ADAM19: variants seen among roughly 807,000 people sequenced by gnomAD.
The protein encoded by ADAM19 is disintegrin and metalloproteinase domain-containing protein 19.
In ADAM19, 65 loss-of-function variants were observed where a neutral mutation model predicts 114.7. That is an observed-to-expected ratio of 0.57 (90% CI 0.46 to 0.70). The LOEUF is 0.70. Ranked by LOEUF, ADAM19 falls within the 30% of genes least tolerant of loss-of-function variation. ADAM19 has a pLI of 0.00. For synonymous variants in ADAM19, 466 were observed against 460.5 expected (o/e 1.01, Z -0.15); for missense variants, 1,063 against 1,204.7 (o/e 0.88, Z 1.74).
chr5:157,480,603 C>G lies in ADAM19; in HGVS notation c.*346G>C, dbSNP rs982143097. 10 of 1,116,820 alleles carry G rather than the reference C, an allele frequency of 9.0e-6. No individual in the cohort carries two copies. Among genetic ancestry groups the G allele is most frequent in the African/African-American group, 1.6e-5 (1 of 61,366 alleles). 69.2% of individuals were successfully genotyped at this position (1,116,820 alleles called of 1,614,324 possible). A position where few individuals can be genotyped will look rare whatever the true frequency, so the allele number is the denominator to read the frequency against. On this transcript the variant is annotated 3_prime_UTR_variant, in exon 23 of 23. Transcript: ENST00000257527. ...ATGGATGGCTTCTGCAAGCGAAGTG[C>G]TGGCCTGAGGGGCTTGCTGGCCTTG...
At chr5:157,513,311 A>G (rs1755980592) in intron 8 of ADAM19, 123 bp downstream of exon 8, 1 of 909,092 alleles carries the variant, frequency 1.1e-6, no homozygotes. Flanking sequence ...CTGGGCCTCT[A>G]TGGCACTGCT....
intron 3 of ADAM19, 114 bp from the exon 4 acceptor site, chr5:157,538,105 A>G (rs1049791607): frequency 1.9e-5 from 14 of 732,332 alleles, no homozygotes; most frequent in Middle Eastern, 2.4e-4. Context: ...TCTCCATACA[A>G]AAGAAACTAG....
Position 157,478,502 on chromosome 5 carries a change from T to G in ADAM19, c.*2447A>C, listed in dbSNP as rs1243064906. On this transcript the variant is annotated 3_prime_UTR_variant, in exon 23 of 23. Transcript: ENST00000257527. ...TTTTGCAATATTCCCTTTCCCCTTC[T>G]GCAATCGTGCTTTGGAATAAGGTCT... 6 of 904,766 alleles carry G rather than the reference T, an allele frequency of 6.6e-6. No homozygotes were observed. The highest frequency in any genetic ancestry group is 1.8e-5 in the African/African-American group (1 of 55,466). The allele number at this position is 904,766 out of a possible 1,614,324, so 56.0% of individuals were successfully genotyped here. A position where few individuals can be genotyped will look rare whatever the true frequency, so the allele number is the denominator to read the frequency against.
At chr5:157,554,106 A>G (rs1757279628) in intron 3 of ADAM19, among the ~76,000 whole-genome samples, 1 of 152,256 alleles carries the variant, frequency 6.6e-6, no homozygotes, top group African/African-American at 2.4e-5. Context: ...TTTAAAATCT[A>G]CATAAAATAT....
intron 9 of ADAM19, among the ~76,000 whole-genome samples, chr5:157,507,681 C>G (rs1158851630): frequency 2.0e-5 from 3 of 152,190 alleles, no homozygotes; most frequent in African/African-American, 7.2e-5. Flanking sequence ...ACAGCTGTGC[C>G]CCATCAGGAG....
At chr5:157,562,354 G>A (rs1378010676) in intron 3 of ADAM19, among the ~76,000 whole-genome samples, 1 of 152,166 alleles carries the variant, frequency 6.6e-6, no homozygotes, top group Non-Finnish European at 1.5e-5. Context: ...GCGGCTCAAT[G>A]GGAAACGAGA....
chr5:157,512,263 T>C (rs912222520), intron 8 of ADAM19, among the ~76,000 whole-genome samples: 1 of 152,200 alleles, frequency 6.6e-6, no homozygotes, highest in Non-Finnish European at 1.5e-5. Flanking sequence ...AAAAAAACCA[T>C]GGGCATGGAA....
At chr5:157,532,895 G>A (rs1182167217) in intron 4 of ADAM19, among the ~76,000 whole-genome samples, 1 of 152,230 alleles carries the variant, frequency 6.6e-6, no homozygotes, top group African/African-American at 2.4e-5. Flanking sequence ...GACCTTCAGT[G>A]TCTTTAGCCT....
At chr5:157,547,094 A>C (rs989922057) in intron 3 of ADAM19, among the ~76,000 whole-genome samples, 3 of 152,238 alleles carry the variant, frequency 2.0e-5, no homozygotes, top group Non-Finnish European at 4.4e-5. Context: ...CGTTATGGAA[A>C]GAGTACAGGA....
chr5:157,520,421 A>G (rs891955364), intron 5 of ADAM19, among the ~76,000 whole-genome samples: 1 of 152,172 alleles, frequency 6.6e-6, no homozygotes, highest in Non-Finnish European at 1.5e-5. Context: ...CAGGATTCCA[A>G]AAAGCCTCCC....
Position 157,575,685 on chromosome 5 carries a change from G to C in ADAM19, c.12C>G (p.Gly4=). MPG[G]AGAARLCLLA... The stretch of plus-strand genomic sequence containing the variant: ...GCAAGCAGAGCCGGGCGGCGCCTGC[G>C]CCCCCTGGCATGGTGGCGGCGGCCC... The change falls in exon 1 of 23, where the codon GGC becomes GGG. Residue 4 remains glycine (G), a synonymous_variant. Transcript: ENST00000257527. 1 of 1,340,410 alleles carries C rather than the reference G, an allele frequency of 7.5e-7. No individual in the cohort carries two copies. Among genetic ancestry groups the C allele is most frequent in the South Asian group, 1.9e-5 (1 of 53,282 alleles). The allele number at this position is 1,340,410 out of a possible 1,614,324, so 83.0% of individuals were successfully genotyped here.
chr5:157,478,025 G>C lies in ADAM19; in HGVS notation c.*2924C>G, dbSNP rs1754644799. 4.2e-6 allele frequency: 1 copy of C among 238,394 alleles called. No individual in the cohort carries two copies. Among genetic ancestry groups the C allele is most frequent in the East Asian group, 9.8e-5 (1 of 10,208 alleles). The allele number at this position is 238,394 out of a possible 1,614,324, so 14.8% of individuals were successfully genotyped here. A position where few individuals can be genotyped will look rare whatever the true frequency, so the allele number is the denominator to read the frequency against. On this transcript the variant is annotated 3_prime_UTR_variant, in exon 23 of 23. Coordinates refer to ENST00000257527, the MANE Select transcript of ADAM19 (RefSeq NM_033274.5). ...GATTGAGCCAGGTGCCCAGGCTAAG[G>C]CTTCTAGAGACAGGGAGACAGGGCA...
At position 157,478,564 on chromosome 5, in the gene ADAM19, C is replaced by G; in HGVS notation, c.*2385G>C. On this transcript the variant is annotated 3_prime_UTR_variant, in exon 23 of 23. Coordinates refer to ENST00000257527, the MANE Select transcript of ADAM19 (RefSeq NM_033274.5). The stretch of plus-strand genomic sequence containing the variant: ...AGCCCAGATTTATTTGTATTTGACA[C>G]CTCAAAACAGCATACTGGGCACTGG... 1.3e-5 allele frequency: 13 copies of G among 985,516 alleles called. No individual in the cohort carries two copies. Among genetic ancestry groups the G allele is most frequent in the Non-Finnish European group, 1.6e-5 (13 of 829,840 alleles). 61.0% of individuals were successfully genotyped at this position (985,516 alleles called of 1,614,324 possible). A position where few individuals can be genotyped will look rare whatever the true frequency, so the allele number is the denominator to read the frequency against.
Position 157,570,908 on chromosome 5 carries a change from G to C in ADAM19, c.167C>G (p.Pro56Arg). 1 of 1,614,108 alleles carries C rather than the reference G, an allele frequency of 6.2e-7. No homozygotes were observed. The highest frequency in any genetic ancestry group is 1.3e-5 in the African/African-American group (1 of 75,034). Reference sequence around the variant, plus strand: ...TTTGAGTCTTACCTTTTCTCTCACGGGGCTTTCTGAAGTCTTCCACTGAGG... The same window carrying C: ...TTTGAGTCTTACCTTTTCTCTCACGCGGCTTTCTGAAGTCTTCCACTGAGG... ...IIPQWKTSES[P>R]VREKHPLKAE... The change falls in exon 2 of 23, where the codon CCC becomes CGC. Residue 56 changes from proline to arginine, a missense_variant. Pro to Arg is a moderately radical substitution (Grantham distance 103). Transcript: ENST00000257527.
At chr5:157,567,450 C>T (rs1030065079) in intron 2 of ADAM19, among the ~76,000 whole-genome samples, 5 of 152,158 alleles carry the variant, frequency 3.3e-5, no homozygotes, top group African/African-American at 1.2e-4. Flanking sequence ...TGAGGCAGTG[C>T]CCTGCCCAAT....
chr5:157,488,978 T>C (rs1485717331), intron 20 of ADAM19, 124 bp downstream of exon 20: 2 of 716,508 alleles, frequency 2.8e-6, no homozygotes, highest in Non-Finnish European at 4.9e-6. Flanking sequence ...TGCAGTGAGC[T>C]GAGATGGCGC....
chr5:157,493,297 GT>G, intron 15 of ADAM19, 120 bp from the exon 16 acceptor site: 2 of 995,788 alleles, frequency 2.0e-6, no homozygotes, highest in Non-Finnish European at 3.0e-6. Flanking sequence ...TGGGGCAAAG[GT>G]TTAGGGCAGT....
chr5:157,570,871 T>C (rs1441674495), intron 2 of ADAM19, 24 bp downstream of exon 2: 1 of 1,605,354 alleles, frequency 6.2e-7, no homozygotes, highest in Non-Finnish European at 8.5e-7. Flanking sequence ...CCTGCCAGTG[T>C]AAATGAGGTC....
rs566771532 is a variant in ADAM19 at position 157,501,786 on chromosome 5, C to T, written c.1308+1017G>A. Among the ~76,000 whole-genome samples, 161 of 152,168 alleles carry T rather than the reference C, an allele frequency of 1.1e-3. 2 individuals carry two copies. Among genetic ancestry groups the T allele is most frequent in the Middle Eastern group, 3.4e-3 (1 of 294 alleles). On this transcript the variant is annotated intron_variant, in intron 12 of 22. Transcript: ENST00000257527. The stretch of plus-strand genomic sequence containing the variant: ...GTCACAGGCAGGGTGCGGTGGCTCA[C>T]GCCTGCAATCCTAGTGCTTTGGGAG...
Sources: allele counts gnomAD v4.1 joint callset (sites outside exome capture counted in the v4.1 genomes callset), GRCh38; gene constraint gnomAD v4.1.1; transcripts MANE v1.5; gene names NCBI Gene and HGNC (gene_info 2026-07-23, HGNC 2026-07-21).